Variants in CHL1 observed in about 807,000 individuals in gnomAD.
CHL1 encodes neural cell adhesion molecule L1-like protein.
Under a neutral mutation model 141.9 loss-of-function variants are expected in CHL1, and 96 were observed. The ratio of observed to expected loss-of-function variants is 0.68; its 90% CI spans 0.57 to 0.80. CHL1 has a LOEUF of 0.80. CHL1 is among the 30% of genes least tolerant of loss of function. The pLI is 0.00. For missense variants in CHL1, 1,820 were observed against 1,457.2 expected (o/e 1.25, Z -4.05); for synonymous variants, 613 against 502.2 (o/e 1.22, Z -2.95).
intron 2 of CHL1, among the ~76,000 whole-genome samples, chr3:276,365 A>C (rs1291724738): frequency 6.6e-6 from 1 of 152,162 alleles, no homozygotes; most frequent in African/African-American, 2.4e-5. Flanking sequence ...TTCTTCTCAG[A>C]CATTTTTGAG....
intron 2 of CHL1, among the ~76,000 whole-genome samples, chr3:294,849 T>C (rs1698041177): frequency 6.6e-6 from 1 of 152,238 alleles, no homozygotes; most frequent in African/African-American, 2.4e-5. Context: ...ACATGCCTAA[T>C]TGGCATAGTT....
intron 14 of CHL1, among the ~76,000 whole-genome samples, chr3:365,190 A>G (rs1331936983): frequency 6.6e-6 from 1 of 152,246 alleles, no homozygotes; most frequent in African/African-American, 2.4e-5. Context: ...CAAATGCCAC[A>G]TTAAGAGTAT....
At chr3:205,725 G>A (rs148390534) in intron 1 of CHL1, among the ~76,000 whole-genome samples, 3 of 152,248 alleles carry the variant, frequency 2.0e-5, no homozygotes, top group African/African-American at 7.2e-5. Context: ...AGCTTTTATT[G>A]ATCGCCACTT....
At chr3:361,061 G>T (rs1219199073) in intron 12 of CHL1, among the ~76,000 whole-genome samples, 9 of 151,938 alleles carry the variant, frequency 5.9e-5, no homozygotes, top group East Asian at 1.9e-4. Context: ...TACGTGTGCA[G>T]GTGTCTTTAT....
intron 1 of CHL1, among the ~76,000 whole-genome samples, chr3:201,632 C>T (rs951302583): frequency 6.6e-6 from 1 of 152,088 alleles, no homozygotes; most frequent in African/African-American, 2.4e-5. Context: ...CAGTTTGGTA[C>T]ATTTAGGGTG....
intron 3 of CHL1, among the ~76,000 whole-genome samples, chr3:324,817 T>A (rs1319852969): frequency 1.3e-5 from 2 of 151,838 alleles, no homozygotes; most frequent in Non-Finnish European, 2.9e-5. Flanking sequence ...CTTGAACTCC[T>A]GGGCTTAAGT....
chr3:349,399 T>C lies in CHL1; in HGVS notation c.889T>C (p.Leu297=), dbSNP rs1703052435. The C allele has an allele frequency of 6.2e-7, 1 of 1,613,910 alleles. No individual in the cohort carries two copies. The highest frequency in any genetic ancestry group is 2.2e-5 in the East Asian group (1 of 44,874). Residue 297 remains leucine, a synonymous_variant, in exon 10 of 28, where the codon TTA becomes CTA. Transcript: ENST00000256509. Reference sequence around the variant, plus strand: ...TGATTGGAACAAAATTGGTGGTGACTTACCAAAGGGGAGAGAAACAAAAGA... The same window carrying C: ...TGATTGGAACAAAATTGGTGGTGACCTACCAAAGGGGAGAGAAACAAAAGA... ...QVDWNKIGGD[L]PKGRETKENY...
intron 1 of CHL1, among the ~76,000 whole-genome samples, chr3:199,626 T>C (rs142911602): frequency 1.9e-4 from 29 of 152,356 alleles, no homozygotes; most frequent in Admixed American, 3.9e-4. Context: ...ATTATTAAAA[T>C]ATAGGCATTT....
rs766646357 is a variant in CHL1, at chr3:382,480, T to C, written c.1985T>C (p.Ile662Thr). 3 of 1,613,100 alleles carry C rather than the reference T, an allele frequency of 1.9e-6. No homozygotes were observed. Among genetic ancestry groups the C allele is most frequent in the South Asian group, 1.1e-5 (1 of 91,052 alleles). ...TCCCTGTTTATACTACCAGAGTATA[T>C]TGTTGAATTTGAAGGAAACAAAGAA... is the stretch of plus-strand genomic sequence containing the variant. ...ADHNSNISEYIVEFEGNKEEP... is the reference protein window; with the variant it reads ...ADHNSNISEYTVEFEGNKEEP... The change falls in exon 18 of 28, where the codon ATT (isoleucine) becomes ACT (threonine). Residue 662 changes from isoleucine (I) to threonine (T), a missense_variant. By Grantham distance (89) the Ile-to-Thr change is moderately conservative (BLOSUM62 -1). Transcript: ENST00000256509.
At chr3:251,042 AC>A (rs1693648824) in intron 2 of CHL1, among the ~76,000 whole-genome samples, 3 of 152,126 alleles carry the variant, frequency 2.0e-5, no homozygotes, top group Non-Finnish European at 2.9e-5. Context: ...TATAATGCAA[AC>A]AAATGTAAAA....
intron 5 of CHL1, chr3:328,608 A>G: frequency 3.0e-6 from 1 of 328,858 alleles, no homozygotes. Context: ...GCTTTGCCTT[A>G]TAAGATGAGA....
chr3:323,282 A>G (rs564124924), intron 3 of CHL1, among the ~76,000 whole-genome samples: 51 of 152,190 alleles, frequency 3.4e-4, no homozygotes, highest in African/African-American at 1.2e-3. Context: ...GAGGACATGT[A>G]TTGTCCACTG....
At chr3:328,781 G>A (rs533054453) in intron 5 of CHL1, among the ~76,000 whole-genome samples, 69 of 152,216 alleles carry the variant, frequency 4.5e-4, no homozygotes, top group African/African-American at 1.5e-3. Flanking sequence ...TGGAGACATC[G>A]TCATTCTGTG....
chr3:405,117 T>G (rs373474724), intron 27 of CHL1, among the ~76,000 whole-genome samples: 1 of 152,090 alleles, frequency 6.6e-6, no homozygotes, highest in Non-Finnish European at 1.5e-5. Context: ...CACCCTCACA[T>G]TGGTTATCAG....
Position 365,999 on chromosome 3 carries a change from G to A in CHL1, c.1635G>A (p.Leu545=), listed in dbSNP as rs750951988. The A allele has an allele frequency of 6.2e-7, 1 of 1,613,518 alleles. No homozygotes were observed. Among genetic ancestry groups the A allele is most frequent in the South Asian group, 1.1e-5 (1 of 91,066 alleles). The change falls in exon 15 of 28, where the codon TTG becomes TTA. Residue 545 remains leucine (L), a synonymous_variant. Coordinates refer to ENST00000256509, the MANE Select transcript of CHL1 (RefSeq NM_006614.4). ...CTAAGAATCCTCGTATCCCCAAATT[G>A]CATATGCTTGAATTACATTGTGAAA... is the stretch of plus-strand genomic sequence containing the variant. ...VSPKNPRIPK[L]HMLELHCESK...
chr3:365,868 T>C, intron 14 of CHL1, 82 bp from the exon 15 acceptor site: 1 of 1,037,688 alleles, frequency 9.6e-7, no homozygotes, highest in Middle Eastern at 2.8e-4. Flanking sequence ...TGGTGACAAT[T>C]TGGGTTACTT....
chr3:219,800 G>A (rs1700663458), intron 1 of CHL1, among the ~76,000 whole-genome samples: 1 of 152,176 alleles, frequency 6.6e-6, no homozygotes, highest in Non-Finnish European at 1.5e-5. Flanking sequence ...AGGTTTACCT[G>A]TGTAACAAAC....
chr3:369,775 A>G (rs926132014), intron 15 of CHL1, among the ~76,000 whole-genome samples: 3 of 152,234 alleles, frequency 2.0e-5, no homozygotes, highest in African/African-American at 7.2e-5. Context: ...GTGTTCCATC[A>G]ATAACTAGTT....
intron 1 of CHL1, among the ~76,000 whole-genome samples, chr3:222,991 T>C (rs1177154753): frequency 6.6e-6 from 1 of 152,134 alleles, no homozygotes; most frequent in Non-Finnish European, 1.5e-5. Flanking sequence ...CCCTCCAGCT[T>C]CTCTTGTGTA....
Sources: gnomAD v4.1 joint callset for allele counts (sites outside exome capture counted in the v4.1 genomes callset) on GRCh38, gnomAD v4.1.1 for gene constraint, MANE v1.5 for transcripts, NCBI Gene and HGNC (gene_info 2026-07-23, HGNC 2026-07-21) for gene names.